The following CPAMD8 variants were observed in gnomAD, a reference collection of about 807,000 sequenced individuals.
The protein encoded by CPAMD8 is C3 and PZP-like alpha-2-macroglobulin domain-containing protein 8.
A neutral mutation model predicts 224.7 loss-of-function variants in CPAMD8; 146 were observed. That is an observed-to-expected ratio of 0.65 (90% CI 0.57 to 0.75). The LOEUF is 0.75. Ranked by LOEUF, CPAMD8 falls within the 30% of genes least tolerant of loss-of-function variation. The pLI is 0.00. For synonymous variants in CPAMD8, 966 were observed against 1,044.6 expected (o/e 0.92, Z 1.45); for missense variants, 2,301 against 2,537.5 (o/e 0.91, Z 2.00).
intron 22 of CPAMD8, among the ~76,000 whole-genome samples, chr19:16,943,792 C>T (rs149634810): frequency 6.6e-6 from 1 of 152,280 alleles, no homozygotes; most frequent in East Asian, 1.9e-4. Context: ...AGGCTTTCCA[C>T]CAACACTCTC....
At chr19:17,018,823 C>T (rs752766060) in intron 3 of CPAMD8, among the ~76,000 whole-genome samples, 17 of 150,860 alleles carry the variant, frequency 1.1e-4, no homozygotes, top group Middle Eastern at 3.4e-3. Context: ...GCACGAGAAT[C>T]GCTTGAAACC....
At chr19:16,942,674 T>C (rs948739151) in intron 22 of CPAMD8, among the ~76,000 whole-genome samples, 3 of 152,156 alleles carry the variant, frequency 2.0e-5, no homozygotes, top group African/African-American at 7.2e-5. Context: ...ACCCCACAGC[T>C]GGCTTCCTCA....
chr19:16,915,984 TCTCC>T (rs1030527447), intron 27 of CPAMD8, among the ~76,000 whole-genome samples: 13 of 150,958 alleles, frequency 8.6e-5, no homozygotes, highest in Admixed American at 2.0e-4. Context: ...CTTCTCTCTC[TCTCC>T]CTCCCTCCCT....
chr19:16,992,871 C>T (rs2056001531), intron 12 of CPAMD8, among the ~76,000 whole-genome samples: 1 of 151,528 alleles, frequency 6.6e-6, no homozygotes, highest in African/African-American at 2.4e-5. Context: ...TTAGAGGCTG[C>T]AGTGAGCTAT....
In CPAMD8 at chr19:16,928,198, T is replaced by C; in HGVS notation, c.3181A>G (p.Ile1061Val). ...GGCCTCGGGAGGGTCCAGGCCACAA[T>C]GACAGACTCATTGGATGGCTCTGGA... is the stretch of plus-strand genomic sequence containing the variant. Reference protein sequence around the residue: ...HGPEPSNESVIVAWTLPRPPE... With the variant: ...HGPEPSNESVVVAWTLPRPPE... The change falls in exon 25 of 42, where the codon ATT becomes GTT. Residue 1061 changes from isoleucine to valine, a missense_variant. Physicochemically the swap from Ile to Val is conservative, Grantham distance 29 (BLOSUM62 3). Coordinates refer to ENST00000443236, the MANE Select transcript of CPAMD8 (RefSeq NM_015692.5). 5 of 1,614,028 alleles carry C rather than the reference T, an allele frequency of 3.1e-6. No homozygotes were observed. The highest frequency in any genetic ancestry group is 4.2e-6 in the Non-Finnish European group (5 of 1,180,024).
In CPAMD8 at chr19:16,899,784, C is replaced by T. The variant is rs2052174593; in HGVS notation, c.4774-235G>A. Reference sequence around the variant, plus strand: ...TGCCTCGCCTCCCTATACACTCCCTCAACCCAGCCCCAAGCCCAGGTCAGG... The same window carrying T: ...TGCCTCGCCTCCCTATACACTCCCTTAACCCAGCCCCAAGCCCAGGTCAGG... On this transcript the variant is annotated intron_variant, in intron 36 of 41. Coordinates refer to ENST00000443236, the MANE Select transcript of CPAMD8 (RefSeq NM_015692.5). This position sits in a 1 kb window ranked among gnomAD's most constrained non-coding sequence, Gnocchi z 5.4. Among the ~76,000 whole-genome samples, 1 of 152,162 alleles carries T rather than the reference C, an allele frequency of 6.6e-6. No homozygotes were observed. The highest frequency in any genetic ancestry group is 2.4e-5 in the African/African-American group (1 of 41,438).
intron 27 of CPAMD8, among the ~76,000 whole-genome samples, chr19:16,918,157 G>A (rs1047455998): frequency 5.3e-5 from 8 of 152,096 alleles, no homozygotes; most frequent in African/African-American, 1.9e-4. Context: ...ACCATGCCCA[G>A]CTAATTTTAG....
rs1471583341 is a variant in CPAMD8, at chr19:17,002,282, C to T, written c.742G>A (p.Gly248Ser). The T allele has an allele frequency of 6.2e-7, 1 of 1,600,346 alleles. No individual in the cohort carries two copies. ...CTTTCTCACCTGGCCCGCACAGTGCCTGTCTCACAGGCGTCCAGGTCTTGG... is the reference window on the plus strand; with the variant it reads ...CTTTCTCACCTGGCCCGCACAGTGCTTGTCTCACAGGCGTCCAGGTCTTGG... ...YIQDLDACET[G>S]TVRARYTFGK... The change falls in exon 9 of 42, where the codon GGC becomes AGC. Residue 248 changes from glycine (G) to serine (S), a missense_variant. Coordinates refer to ENST00000443236, the MANE Select transcript of CPAMD8 (RefSeq NM_015692.5).
Position 17,021,893 on chromosome 19 carries a change from C to T in CPAMD8, c.244+137G>A. Reference sequence around the variant, plus strand: ...GGAGAATGCAACCTGTCTTCCCTCCCTCCCTCCCATGCCCCTGGGGATTTA... The same window carrying T: ...GGAGAATGCAACCTGTCTTCCCTCCTTCCCTCCCATGCCCCTGGGGATTTA... On this transcript the variant is annotated intron_variant, in intron 2 of 41. Transcript: ENST00000443236. 2 of 616,398 alleles carry T rather than the reference C, an allele frequency of 3.2e-6. 1 individual carries two copies. The highest frequency in any genetic ancestry group is 5.4e-6 in the Non-Finnish European group (2 of 368,912). The allele number at this position is 616,398 out of a possible 1,614,324, so 38.2% of individuals were successfully genotyped here.
At position 17,008,462 on chromosome 19, in the gene CPAMD8, T is replaced by A. The variant is rs372881641; in HGVS notation, c.559+43A>T. The A allele has an allele frequency of 9.9e-6, 16 of 1,609,336 alleles. No homozygotes were observed. In the African/African-American group the frequency reaches 2.0e-4, roughly 20 times the overall value. On this transcript the variant is annotated intron_variant, in intron 7 of 41. Coordinates refer to ENST00000443236, the MANE Select transcript of CPAMD8 (RefSeq NM_015692.5). ...AGCATATTCTGTTTTCCTGGAAGGTTTATCACATCTGCAGCCCCCAAGCCG... is the reference window on the plus strand; with the variant it reads ...AGCATATTCTGTTTTCCTGGAAGGTATATCACATCTGCAGCCCCCAAGCCG...
intron 36 of CPAMD8, among the ~76,000 whole-genome samples, chr19:16,900,936 TG>T (rs1427363573): frequency 6.6e-6 from 1 of 150,958 alleles, no homozygotes; most frequent in Admixed American, 6.7e-5. Context: ...TACTTGAGCC[TG>T]GAAGTTCAAG....
chr19:17,022,222 C>T (rs1419320122), intron 1 of CPAMD8, 41 bp from the exon 2 acceptor site: 2 of 1,587,950 alleles, frequency 1.3e-6, no homozygotes, highest in Non-Finnish European at 1.7e-6. Flanking sequence ...TCACCCCAGA[C>T]CCCTGGTCTC....
chr19:16,994,062 C>T (rs2056046502), intron 11 of CPAMD8, among the ~76,000 whole-genome samples: 1 of 152,158 alleles, frequency 6.6e-6, no homozygotes, highest in Non-Finnish European at 1.5e-5. Context: ...ATGATGGTGC[C>T]ACTGCACTCC....
intron 13 of CPAMD8, among the ~76,000 whole-genome samples, chr19:16,984,839 TA>T (rs889234644): frequency 2.6e-5 from 4 of 152,084 alleles, no homozygotes; most frequent in African/African-American, 9.7e-5. Context: ...GTGAAACCCC[TA>T]AAAACCAAGT....
chr19:16,950,223 G>A (rs1001191824), intron 20 of CPAMD8, among the ~76,000 whole-genome samples: 14 of 152,140 alleles, frequency 9.2e-5, no homozygotes, highest in East Asian at 1.9e-4. Flanking sequence ...GCTTGAACCC[G>A]GGAGGCGGAG....
intron 23 of CPAMD8, among the ~76,000 whole-genome samples, chr19:16,931,658 T>C (rs760470776): frequency 6.6e-6 from 1 of 152,166 alleles, no homozygotes; most frequent in South Asian, 2.1e-4. Context: ...CTAACACTGG[T>C]ACCAGTGTAG....
At chr19:16,975,452 A>G (rs116099591) in intron 16 of CPAMD8, among the ~76,000 whole-genome samples, 194 bp from the exon 17 acceptor site, 1,974 of 152,300 alleles carry the variant, frequency 0.013, 34 homozygotes, top group African/African-American at 0.044. Context: ...CATGCCTCTA[A>G]TCCCAGTTAC....
At position 16,904,500 on chromosome 19, in the gene CPAMD8, T is replaced by G. The variant is rs762608312; in HGVS notation, c.4080A>C (p.Thr1360=). The change falls in exon 31 of 42, where the codon ACA becomes ACC. Residue 1360 remains threonine, a synonymous_variant. Coordinates refer to ENST00000443236, the MANE Select transcript of CPAMD8 (RefSeq NM_015692.5). ...LSNSWDVDKG[T]FLSFSDRVSQ... is the part of the protein sequence containing the mutation. The stretch of plus-strand genomic sequence containing the variant: ...AGACCCTGTCACTGAAGCTCAAGAA[T>G]GTGCCCTTGTCCACGTCCCAGGAAT... 9.7e-5 allele frequency: 156 copies of G among 1,614,056 alleles called. No individual in the cohort carries two copies. The Admixed American group carries it at 1.4e-3, about 14-fold the overall frequency.
Position 16,960,069 on chromosome 19 carries a change from C to T in CPAMD8, c.2214-2154G>A, listed in dbSNP as rs114730022. Among the ~76,000 whole-genome samples the T allele has an allele frequency of 1.6e-3, 245 of 152,226 alleles. 1 individual carries two copies. Among genetic ancestry groups the T allele is most frequent in the African/African-American group, 5.3e-3 (222 of 41,518 alleles). On this transcript the variant is annotated intron_variant, in intron 18 of 41. Transcript: ENST00000443236. ...TAATTTCCCTCCCTGGGTTTTACCA[C>T]GTTCATCTTCATCATCACACTGAAC...
Sources: allele counts gnomAD v4.1 joint callset (sites outside exome capture counted in the v4.1 genomes callset), GRCh38; gene constraint gnomAD v4.1.1; non-coding constraint Gnocchi (gnomAD v3.1); transcripts MANE v1.5; gene names NCBI Gene and HGNC (gene_info 2026-07-23, HGNC 2026-07-21).